The following IL1RAPL2 variants were observed in gnomAD, a reference collection of about 807,000 sequenced individuals.
IL1RAPL2 encodes interleukin 1 receptor accessory protein like 2.
IL1RAPL2 carries 3 observed loss-of-function variants against 44.1 expected under a neutral mutation model. The ratio of observed to expected loss-of-function variants is 0.07; its 90% CI spans 0.03 to 0.18. IL1RAPL2 has a LOEUF of 0.18. Ranked by LOEUF, IL1RAPL2 falls within the 10% of genes least tolerant of loss-of-function variation. The pLI is 1.00. For synonymous variants in IL1RAPL2, 181 were observed against 178.8 expected, an observed-to-expected ratio of 1.01 and a Z score of -0.10; for missense variants, 391 against 496.4, an observed-to-expected ratio of 0.79 and a Z score of 2.02.
chrX:104,610,319 T>A (rs1040391265), intron 1 of IL1RAPL2, among the ~76,000 whole-genome samples: 1 of 110,739 alleles, frequency 9.0e-6, no homozygotes, highest in African/African-American at 3.3e-5. Context: ...GGGTATTCAA[T>A]TAGGAGAAGA....
At chrX:105,039,819 T>A (rs2031692841) in intron 2 of IL1RAPL2, among the ~76,000 whole-genome samples, 1 of 111,708 alleles carries the variant, frequency 9.0e-6, no homozygotes, top group African/African-American at 3.3e-5. Context: ...AATCATGTCA[T>A]CTGCAAACAG....
intron 2 of IL1RAPL2, among the ~76,000 whole-genome samples, chrX:104,728,212 G>C (rs1931835742): frequency 9.0e-6 from 1 of 111,572 alleles, no homozygotes; most frequent in African/African-American, 3.2e-5. Flanking sequence ...AAAAGAGTGT[G>C]AGCAAAATAA....
chrX:105,088,754 G>GT (rs1189926537), intron 2 of IL1RAPL2, among the ~76,000 whole-genome samples: 1 of 111,365 alleles, frequency 9.0e-6, no homozygotes, highest in Admixed American at 9.6e-5. Context: ...CTTAATGAAT[G>GT]TAACATCAAT....
chrX:104,884,741 C>A (rs1476630182), intron 2 of IL1RAPL2, among the ~76,000 whole-genome samples: 1 of 111,569 alleles, frequency 9.0e-6, no homozygotes, highest in Non-Finnish European at 1.9e-5. Flanking sequence ...GCTTTCTTTT[C>A]ATTGAAGGAG....
At chrX:105,449,367 G>A (rs1480277491) in intron 5 of IL1RAPL2, among the ~76,000 whole-genome samples, 1 of 110,649 alleles carries the variant, frequency 9.0e-6, no homozygotes, top group East Asian at 2.8e-4. Context: ...GGCAGATCAC[G>A]ATGTCAGGAG....
chrX:105,512,653 G>C (rs1231495923), intron 6 of IL1RAPL2, among the ~76,000 whole-genome samples: 1 of 111,466 alleles, frequency 9.0e-6, no homozygotes, highest in Non-Finnish European at 1.9e-5. Context: ...AGTAATAAGA[G>C]TAATTAATTC....
intron 3 of IL1RAPL2, among the ~76,000 whole-genome samples, chrX:105,216,482 T>G (rs1297441653): frequency 9.0e-6 from 1 of 111,002 alleles, no homozygotes; most frequent in Non-Finnish European, 1.9e-5. Context: ...TCCATGCTCA[T>G]GGATAGGAAG....
At position 105,722,889 on chromosome X, in the gene IL1RAPL2, C is replaced by G. The variant is rs143251108; in HGVS notation, c.902+5393C>G. ...CTCTAGAATTCCTTCTTCTATCGTC[C>G]TAATGAATACCCTCTGGCTTCCTTA... On this transcript the variant is annotated intron_variant, in intron 7 of 10. Transcript: ENST00000372582. Among the ~76,000 whole-genome samples, 50 of 110,880 alleles carry G rather than the reference C, an allele frequency of 4.5e-4. No individual in the cohort carries two copies. The South Asian group carries it at 7.4e-3, about 16-fold the overall frequency.
intron 5 of IL1RAPL2, among the ~76,000 whole-genome samples, chrX:105,411,453 G>A (rs182391286): frequency 4.5e-5 from 5 of 111,496 alleles, no homozygotes; most frequent in South Asian, 3.8e-4. Context: ...AACATAGACT[G>A]AAAGTGAAAG....
At chrX:104,755,227 G>A (rs992953325) in intron 2 of IL1RAPL2, among the ~76,000 whole-genome samples, 9 of 110,686 alleles carry the variant, frequency 8.1e-5, no homozygotes, top group African/African-American at 2.6e-4. Flanking sequence ...GGAATTACAA[G>A]GGAAAGTTAT....
At chrX:104,739,874 T>C (rs1302572852) in intron 2 of IL1RAPL2, among the ~76,000 whole-genome samples, 2 of 111,703 alleles carry the variant, frequency 1.8e-5, no homozygotes, top group African/African-American at 6.5e-5. Context: ...GGTCCACCTG[T>C]TGTTTTAGAG....
intron 3 of IL1RAPL2, among the ~76,000 whole-genome samples, chrX:105,198,044 G>A (rs1444987755): frequency 9.0e-6 from 1 of 111,427 alleles, no homozygotes. Context: ...ATTTTACTAA[G>A]GATAATGGCC....
intron 6 of IL1RAPL2, among the ~76,000 whole-genome samples, chrX:105,501,879 ATGTTGTT>A (rs1473073199): frequency 9.0e-6 from 1 of 111,617 alleles, no homozygotes; most frequent in African/African-American, 3.3e-5. Flanking sequence ...GAGGGTTGCA[ATGTTGTT>A]TTTAGGTTCC....
At chrX:104,826,938 C>CTTTT (rs1176113214) in intron 2 of IL1RAPL2, among the ~76,000 whole-genome samples, 40 of 34,857 alleles carry the variant, frequency 1.1e-3, no homozygotes, top group Non-Finnish European at 1.5e-3. Flanking sequence ...GCAACCCCTG[C>CTTTT]TTTTTTTTTT....
chrX:105,759,275 A>T (rs1170883076), intron 10 of IL1RAPL2, among the ~76,000 whole-genome samples: 1 of 112,208 alleles, frequency 8.9e-6, no homozygotes, highest in Admixed American at 9.5e-5. Flanking sequence ...GTAAGAAAGT[A>T]AGGTGCTGAA....
At chrX:105,292,144 C>T (rs1327268314) in intron 5 of IL1RAPL2, among the ~76,000 whole-genome samples, 1 of 111,601 alleles carries the variant, frequency 9.0e-6, no homozygotes, top group Non-Finnish European at 1.9e-5. Flanking sequence ...AATGTATCAA[C>T]ATTTAGAACA....
At chrX:104,611,836 C>CAAAAA (rs57729757) in intron 1 of IL1RAPL2, among the ~76,000 whole-genome samples, 3 of 39,955 alleles carry the variant, frequency 7.5e-5, no homozygotes, top group Non-Finnish European at 1.3e-4. Flanking sequence ...GACTCCATCT[C>CAAAAA]AAAAAAAAAA....
intron 2 of IL1RAPL2, among the ~76,000 whole-genome samples, chrX:104,878,376 C>G (rs1162896438): frequency 1.8e-5 from 2 of 112,024 alleles, no homozygotes. Context: ...TTATATATTA[C>G]TGTCTGTTTT....
chrX:104,715,919 G>A (rs1026280353), intron 2 of IL1RAPL2, among the ~76,000 whole-genome samples: 3 of 110,654 alleles, frequency 2.7e-5, no homozygotes, highest in Non-Finnish European at 3.8e-5. Context: ...ATTCTTTACC[G>A]AACTAGTGAA....
Sources: gnomAD v4.1 joint callset for allele counts (sites outside exome capture counted in the v4.1 genomes callset) on GRCh38, gnomAD v4.1.1 for gene constraint, MANE v1.5 for transcripts, NCBI Gene and HGNC (gene_info 2026-07-23, HGNC 2026-07-21) for gene names.